Variants in SDK1 observed in about 807,000 individuals in gnomAD.
The protein encoded by SDK1 is protein sidekick-1.
In SDK1, 157 loss-of-function variants were observed where a neutral mutation model predicts 245.5. The observed-to-expected ratio is 0.64, with a 90% CI of 0.56 to 0.73. The LOEUF (loss-of-function observed/expected upper bound fraction) is 0.73, where lower values mean the gene tolerates loss of function less well. Ranked by LOEUF, SDK1 falls within the 30% of genes least tolerant of loss-of-function variation. The pLI, the probability that SDK1 is intolerant of heterozygous loss-of-function variation, is 0.00. For synonymous variants in SDK1, 1,647 were observed against 1,278.5 expected (o/e 1.29, Z -6.15); for missense variants, 3,583 against 3,002.3 (o/e 1.19, Z -4.52).
At chr7:3,507,581 T>A (rs1190165315) in intron 1 of SDK1, among the ~76,000 whole-genome samples, 1 of 152,200 alleles carries the variant, frequency 6.6e-6, no homozygotes, top group African/African-American at 2.4e-5. Context: ...TATTATTATT[T>A]AACCTGTTAT....
intron 14 of SDK1, among the ~76,000 whole-genome samples, chr7:3,992,833 G>A: frequency 6.6e-6 from 1 of 152,142 alleles, no homozygotes; most frequent in East Asian, 1.9e-4. Flanking sequence ...AAATCTTATA[G>A]TAGTGCACTT....
chr7:4,074,603 G>A (rs1450943412), intron 20 of SDK1, among the ~76,000 whole-genome samples: 9 of 152,060 alleles, frequency 5.9e-5, no homozygotes, highest in Admixed American at 5.2e-4. Flanking sequence ...GCTGACGGCT[G>A]TAATCCTAGC....
At chr7:4,256,000 A>C (rs905112680) in intron 44 of SDK1, among the ~76,000 whole-genome samples, 2 of 145,896 alleles carry the variant, frequency 1.4e-5, no homozygotes, top group Admixed American at 1.4e-4. Flanking sequence ...GCTCACTGCA[A>C]CCTCTGCCTT....
chr7:4,194,373 CAT>C (rs1783446682), intron 35 of SDK1, among the ~76,000 whole-genome samples: 2 of 102,570 alleles, frequency 1.9e-5, no homozygotes, highest in Admixed American at 9.7e-5. Flanking sequence ...TATGTGTATA[CAT>C]GTATGTGTAT....
At chr7:3,945,830 C>T (rs767310986) in intron 5 of SDK1, among the ~76,000 whole-genome samples, 24 of 125,512 alleles carry the variant, frequency 1.9e-4, no homozygotes, top group African/African-American at 6.9e-4. Context: ...ACCTGGGGAG[C>T]GGAGCTTGCA....
chr7:3,374,393 T>G (rs1251495653), intron 1 of SDK1, among the ~76,000 whole-genome samples: 1 of 152,182 alleles, frequency 6.6e-6, no homozygotes, highest in Non-Finnish European at 1.5e-5. Context: ...CAATTGATTT[T>G]CTTCACATAA....
At chr7:3,467,842 T>G (rs1375194213) in intron 1 of SDK1, among the ~76,000 whole-genome samples, 1 of 152,184 alleles carries the variant, frequency 6.6e-6, no homozygotes, top group Admixed American at 6.5e-5. Flanking sequence ...CATTAGACTT[T>G]ATTAGCTTGT....
At chr7:3,831,301 T>A (rs569738186) in intron 5 of SDK1, among the ~76,000 whole-genome samples, 62 of 152,316 alleles carry the variant, frequency 4.1e-4, no homozygotes, top group Admixed American at 1.4e-3. Context: ...TTTCCTGGGG[T>A]TCAGCTTTTA....
chr7:3,935,039 A>C (rs184644950), intron 5 of SDK1, among the ~76,000 whole-genome samples: 1 of 152,240 alleles, frequency 6.6e-6, no homozygotes, highest in Non-Finnish European at 1.5e-5. Flanking sequence ...CTTTGAGAGC[A>C]TTCTTTTCTG....
Position 4,268,353 on chromosome 7 carries a change from AC to A in SDK1, c.*2974del. On this transcript the variant is annotated 3_prime_UTR_variant, in exon 45 of 45. Coordinates refer to ENST00000404826, the MANE Select transcript of SDK1 (RefSeq NM_152744.4). The stretch of plus-strand genomic sequence containing the variant: ...AGCCCAGAGAGAGCTGCCAGGCCAC[AC>A]CCCCTCGGCCTCCTGCACGGCCACC... 9.5e-7 allele frequency: 1 copy of A among 1,049,138 alleles called. No homozygotes were observed. Among genetic ancestry groups the A allele is most frequent in the African/African-American group, 1.7e-5 (1 of 58,992 alleles). The allele number at this position is 1,049,138 out of a possible 1,614,324, so 65.0% of individuals were successfully genotyped here.
intron 4 of SDK1, among the ~76,000 whole-genome samples, chr7:3,779,757 C>T (rs1485942289): frequency 6.6e-6 from 1 of 151,780 alleles, no homozygotes; most frequent in South Asian, 2.1e-4. Context: ...AAGGTGAAAC[C>T]CCGTCTCTAC....
intron 22 of SDK1, among the ~76,000 whole-genome samples, chr7:4,082,742 T>C (rs1187710048): frequency 6.6e-6 from 1 of 152,020 alleles, no homozygotes; most frequent in Non-Finnish European, 1.5e-5. Context: ...CATCTCAGCC[T>C]CCTGAGTAGC....
chr7:3,723,970 AG>A (rs1778928243), intron 4 of SDK1, among the ~76,000 whole-genome samples: 7 of 149,734 alleles, frequency 4.7e-5, no homozygotes, highest in African/African-American at 1.7e-4. Context: ...AGAGAGAGAG[AG>A]AGAGAGAAAG....
In SDK1 at chr7:3,390,324, GT is replaced by G. The variant is rs1489766383; in HGVS notation, c.298+88443del. Among the ~76,000 whole-genome samples, 11 of 152,288 alleles carry G rather than the reference GT, an allele frequency of 7.2e-5. No individual in the cohort carries two copies. The East Asian group carries it at 2.1e-3, about 29-fold the overall frequency. On this transcript the variant is annotated intron_variant, in intron 1 of 44. Coordinates refer to ENST00000404826, the MANE Select transcript of SDK1 (RefSeq NM_152744.4). ...ATGTCAAATATATCTCTATAAAAGA[GT>G]TTAGCTTTGCTCATCAGCCTTTTAA...
At chr7:3,609,255 A>G (rs1781516035) in intron 1 of SDK1, among the ~76,000 whole-genome samples, 1 of 152,204 alleles carries the variant, frequency 6.6e-6, no homozygotes, top group Admixed American at 6.5e-5. Context: ...GTATGTTGCA[A>G]AGGGATCCTG....
chr7:4,067,879 G>C lies in SDK1; in HGVS notation c.2953G>C (p.Asp985His). Reference sequence around the variant, plus strand: ...ACATCTGAGTTTCACAGAGATCTTGGACACATCTCTCAAGGTCAGCTGGCA... The same window carrying C: ...ACATCTGAGTTTCACAGAGATCTTGCACACATCTCTCAAGGTCAGCTGGCA... The part of the protein sequence containing the change: ...VGHLSFTEIL[D>H]TSLKVSWQEP... The change falls in exon 20 of 45, where the codon GAC becomes CAC. Residue 985 changes from aspartate to histidine, a missense_variant. Coordinates refer to ENST00000404826, the MANE Select transcript of SDK1 (RefSeq NM_152744.4). 1 of 1,613,400 alleles carries C rather than the reference G, an allele frequency of 6.2e-7. No homozygotes were observed. Among genetic ancestry groups the C allele is most frequent in the Non-Finnish European group, 8.5e-7 (1 of 1,179,776 alleles).
intron 16 of SDK1, among the ~76,000 whole-genome samples, chr7:4,016,387 A>G (rs531088491): frequency 8.9e-4 from 135 of 152,360 alleles, no homozygotes; most frequent in African/African-American, 3.0e-3. Context: ...GGAAAGCTCA[A>G]TAAATTACCT....
chr7:4,176,965 G>A (rs369000612), intron 34 of SDK1, among the ~76,000 whole-genome samples: 6 of 152,232 alleles, frequency 3.9e-5, no homozygotes, highest in African/African-American at 7.2e-5. Context: ...AGGGCTAGAC[G>A]TGGAGCCATA....
chr7:3,410,807 G>C (rs1315731287), intron 1 of SDK1, among the ~76,000 whole-genome samples: 1 of 151,798 alleles, frequency 6.6e-6, no homozygotes, highest in African/African-American at 2.4e-5. Context: ...TGCTGGTCTC[G>C]AACTCCTGAC....
Sources: gnomAD v4.1 joint callset for allele counts (sites outside exome capture counted in the v4.1 genomes callset) on GRCh38, gnomAD v4.1.1 for gene constraint, MANE v1.5 for transcripts, NCBI Gene and HGNC (gene_info 2026-07-23, HGNC 2026-07-21) for gene names.